NRG1: variants seen among roughly 807,000 people sequenced by gnomAD.
The protein encoded by NRG1 is neuregulin 1.
NRG1 carries 18 observed loss-of-function variants against 63.8 expected under a neutral mutation model. The ratio of observed to expected loss-of-function variants is 0.28; its 90% CI spans 0.19 to 0.42. NRG1 has a LOEUF of 0.42. NRG1 is among the 10% of genes least tolerant of loss of function. NRG1 has a pLI of 1.00. For synonymous variants in NRG1, 302 were observed against 301.3 expected, an observed-to-expected ratio of 1.00 and a Z score of -0.02; for missense variants, 762 against 814.7, an observed-to-expected ratio of 0.94 and a Z score of 0.79.
intron 5 of NRG1, among the ~76,000 whole-genome samples, chr8:32,684,856 G>GAAA (rs35090539): frequency 5.3e-5 from 8 of 151,616 alleles, no homozygotes; most frequent in African/African-American, 9.7e-5. Flanking sequence ...ATATTTTCAG[G>GAAA]AAAAAAAACG....
At chr8:31,800,262 T>G (rs2131713742) in intron 1 of NRG1, among the ~76,000 whole-genome samples, 1 of 152,282 alleles carries the variant, frequency 6.6e-6, no homozygotes, top group South Asian at 2.1e-4. Context: ...CAAATGTGAT[T>G]AAAGGATAGA....
chr8:32,763,645 C>A, intron 11 of NRG1, 103 bp from the exon 12 acceptor site: 1 of 1,245,510 alleles, frequency 8.0e-7, no homozygotes, highest in South Asian at 1.5e-5. Flanking sequence ...TAGAAATTCT[C>A]TGTTCTCTGA....
rs183487182 is a variant in NRG1, at chr8:32,738,104, G to T, written c.633-4571G>T. Among the ~76,000 whole-genome samples, 9 of 152,240 alleles carry T rather than the reference G, an allele frequency of 5.9e-5. No individual in the cohort carries two copies. The East Asian group carries it at 1.7e-3, about 29-fold the overall frequency. ...GTGCTAGGCATTAGAGATACAAAAT[G>T]ATCAGAATGTGATCATTGTCTGACA... On this transcript the variant is annotated intron_variant, in intron 6 of 11. Coordinates refer to ENST00000356819, the Ensembl canonical transcript of NRG1.
chr8:32,044,426 A>G (rs966902431), intron 1 of NRG1, among the ~76,000 whole-genome samples: 3 of 151,892 alleles, frequency 2.0e-5, no homozygotes, highest in Non-Finnish European at 3.0e-5. Flanking sequence ...TGATATAGAA[A>G]AGCTGAAGGA....
intron 1 of NRG1, among the ~76,000 whole-genome samples, chr8:31,969,182 C>T (rs1263728392): frequency 6.6e-6 from 1 of 152,106 alleles, no homozygotes. Context: ...GTTTATTTTA[C>T]TTTATTTTTT....
intron 1 of NRG1, among the ~76,000 whole-genome samples, chr8:32,140,820 C>A (rs750299044): frequency 1.3e-5 from 2 of 152,112 alleles, no homozygotes; most frequent in Non-Finnish European, 2.9e-5. Context: ...AGGGTGACAA[C>A]CTCCACCTCC....
At chr8:32,126,752 G>T (rs1834115950) in intron 1 of NRG1, among the ~76,000 whole-genome samples, 1 of 151,946 alleles carries the variant, frequency 6.6e-6, no homozygotes, top group African/African-American at 2.4e-5. Flanking sequence ...GTTGTTTTCA[G>T]TAAGATGTTT....
intron 1 of NRG1, among the ~76,000 whole-genome samples, chr8:32,180,459 A>G (rs1231039347): frequency 3.3e-5 from 5 of 152,266 alleles, no homozygotes; most frequent in Non-Finnish European, 2.9e-5. Context: ...TAGCTTAAAT[A>G]TTTTAATAAT....
rs550126672 is a variant in NRG1 at position 31,684,304 on chromosome 8, C to A, written c.37+44873C>A. ...AATGATTAGGTAGTGAGGTCTCTGA[C>A]CTCATGAATGGGACTAGCACCTTAT... On this transcript the variant is annotated intron_variant, in intron 1 of 10. Transcript: ENST00000519301. 3.3e-5 allele frequency among the ~76,000 whole-genome samples: 5 copies of A among 152,210 alleles called. No individual in the cohort carries two copies. In the South Asian group the frequency reaches 1.0e-3, roughly 32 times the overall value.
intron 1 of NRG1, among the ~76,000 whole-genome samples, chr8:32,420,878 T>TC (rs1187045560): frequency 1.3e-5 from 2 of 152,146 alleles, no homozygotes; most frequent in African/African-American, 4.8e-5. Flanking sequence ...GGAGCAGTTT[T>TC]CCCTCATGCT....
chr8:31,818,078 T>C lies in NRG1; in HGVS notation c.37+178647T>C, dbSNP rs1363737566. Among the ~76,000 whole-genome samples the C allele has an allele frequency of 2.6e-5, 4 of 152,180 alleles. No homozygotes were observed. The South Asian group carries it at 6.2e-4, about 24-fold the overall frequency. On this transcript the variant is annotated intron_variant, in intron 1 of 10. Transcript: ENST00000519301. The stretch of plus-strand genomic sequence containing the variant: ...CCAGCAAATACGTAATCCACAAGAA[T>C]GTTATAAGAAAGATATTTATCAAGC...
intron 1 of NRG1, among the ~76,000 whole-genome samples, chr8:32,280,756 A>ATTTT (rs577848038): frequency 3.1e-5 from 1 of 31,874 alleles, no homozygotes; most frequent in Non-Finnish European, 5.6e-5. Flanking sequence ...TTGTCCTTTC[A>ATTTT]TTTTTTTTTT....
At chr8:32,011,492 T>C (rs1814754267) in intron 1 of NRG1, among the ~76,000 whole-genome samples, 1 of 152,104 alleles carries the variant, frequency 6.6e-6, no homozygotes, top group African/African-American at 2.4e-5. Context: ...AAAATCCCTT[T>C]TGTCAGACAC....
chr8:31,883,624 G>A (rs919139973), intron 1 of NRG1, among the ~76,000 whole-genome samples: 3 of 152,016 alleles, frequency 2.0e-5, no homozygotes, highest in African/African-American at 4.8e-5. Flanking sequence ...AATAATTTAC[G>A]CTTTTGTTTT....
At chr8:31,996,696 A>G (rs752266743) in intron 1 of NRG1, among the ~76,000 whole-genome samples, 7 of 152,040 alleles carry the variant, frequency 4.6e-5, no homozygotes, top group Non-Finnish European at 1.0e-4. Context: ...CCTGAAAGAC[A>G]GAGAAAGACC....
intron 1 of NRG1, among the ~76,000 whole-genome samples, chr8:32,159,272 C>T (rs1195614893): frequency 2.0e-5 from 3 of 152,120 alleles, no homozygotes; most frequent in East Asian, 1.9e-4. Context: ...CGGTGGCTCA[C>T]GCCTGTAATC....
chr8:32,220,284 A>C (rs1426296013), intron 1 of NRG1, among the ~76,000 whole-genome samples: 1 of 152,188 alleles, frequency 6.6e-6, no homozygotes, highest in Non-Finnish European at 1.5e-5. Context: ...GCTCTTGCTC[A>C]GGAGTCTTTA....
chr8:31,890,983 A>T (rs1387652191), intron 1 of NRG1, among the ~76,000 whole-genome samples: 2 of 152,232 alleles, frequency 1.3e-5, no homozygotes, highest in Non-Finnish European at 2.9e-5. Context: ...TAAGTCTTAC[A>T]CCTTACACAA....
At chr8:32,350,680 G>T (rs990739389) in intron 1 of NRG1, among the ~76,000 whole-genome samples, 4 of 151,796 alleles carry the variant, frequency 2.6e-5, no homozygotes, top group African/African-American at 9.7e-5. Flanking sequence ...TATAAAATAA[G>T]AAATATTCAT....
Sources: allele counts gnomAD v4.1 joint callset (sites outside exome capture counted in the v4.1 genomes callset), GRCh38; gene constraint gnomAD v4.1.1; transcripts MANE v1.5; gene names NCBI Gene and HGNC (gene_info 2026-07-23, HGNC 2026-07-21).